Variants in EIF2A observed in about 807,000 individuals in gnomAD.
The protein encoded by EIF2A is 65 kDa eukaryotic translation initiation factor 2A.
A neutral mutation model predicts 75.2 loss-of-function variants in EIF2A; 62 were observed. That is an observed-to-expected ratio of 0.82 (90% CI 0.67 to 1.02). The LOEUF is 1.02. Ranked by LOEUF, EIF2A falls within the 50% of genes least tolerant of loss-of-function variation. EIF2A has a pLI of 0.00. For missense variants in EIF2A, 611 were observed against 677.7 expected, an observed-to-expected ratio of 0.90 and a Z score of 1.09; for synonymous variants, 207 against 239.0, an observed-to-expected ratio of 0.87 and a Z score of 1.23.
In EIF2A at chr3:150,584,553, C is replaced by G. The variant is rs576118905; in HGVS notation, c.*642C>G. Among the ~76,000 whole-genome samples, 4 of 152,308 alleles carry G rather than the reference C, an allele frequency of 2.6e-5. No individual in the cohort carries two copies. Among genetic ancestry groups the G allele is most frequent in the Admixed American group, 2.0e-4 (3 of 15,302 alleles). Reference sequence around the variant, plus strand: ...TGGATACTGCCAAATTGCCCTATCTCAAGCTTTATACTTGCACCATTTAAA... The same window carrying G: ...TGGATACTGCCAAATTGCCCTATCTGAAGCTTTATACTTGCACCATTTAAA... On this transcript the variant is annotated 3_prime_UTR_variant, in exon 14 of 14. Coordinates refer to ENST00000460851, the MANE Select transcript of EIF2A (RefSeq NM_032025.5).
intron 11 of EIF2A, among the ~76,000 whole-genome samples, chr3:150,579,955 T>A (rs1381935887): frequency 6.8e-6 from 1 of 147,940 alleles, no homozygotes; most frequent in Non-Finnish European, 1.5e-5. Flanking sequence ...CAATAAATAC[T>A]TACATAATTT....
Position 150,581,863 on chromosome 3 carries a change from ATTG to A in EIF2A, c.1626+123_1626+125del, listed in dbSNP as rs1725201436. 7 of 1,245,136 alleles carry A rather than the reference ATTG, an allele frequency of 5.6e-6. No homozygotes were observed. In the South Asian group the frequency reaches 9.3e-5, roughly 17 times the overall value. 77.1% of individuals were successfully genotyped at this position (1,245,136 alleles called of 1,614,324 possible). A position where few individuals can be genotyped will look rare whatever the true frequency, so the allele number is the denominator to read the frequency against. On this transcript the variant is annotated intron_variant, in intron 12 of 13. Coordinates refer to ENST00000460851, the MANE Select transcript of EIF2A (RefSeq NM_032025.5). ...TAAGAAGTTGGTATCAGCAGTTCTCATTGTTGTTTTCTCACTATGAAGCACTGT... is the reference window on the plus strand; with the variant it reads ...TAAGAAGTTGGTATCAGCAGTTCTCATTGTTTTCTCACTATGAAGCACTGT...
chr3:150,582,206 G>A (rs1379266176), intron 12 of EIF2A, among the ~76,000 whole-genome samples: 1 of 150,626 alleles, frequency 6.6e-6, no homozygotes, highest in African/African-American at 2.4e-5. Context: ...TCACCATGTT[G>A]GCCAGGCTGG....
intron 6 of EIF2A, chr3:150,566,389 T>C (rs772989726): frequency 3.9e-5 from 6 of 152,182 alleles, no homozygotes; most frequent in Non-Finnish European, 7.3e-5. Context: ...TTGATCTCAT[T>C]GAAGGAAACA....
intron 2 of EIF2A, among the ~76,000 whole-genome samples, chr3:150,555,200 A>G (rs1287528003): frequency 6.6e-6 from 1 of 152,128 alleles, no homozygotes; most frequent in Non-Finnish European, 1.5e-5. Flanking sequence ...AAGTGCTGGG[A>G]TTACAGGCCT....
In EIF2A at chr3:150,568,680, C is replaced by CT. The variant is rs1405915817; in HGVS notation, c.811+389dup. The stretch of plus-strand genomic sequence containing the variant: ...AGTAATTCCAACACATTTTGGGAGT[C>CT]TGAGATGGGAGGATCATTTGAACTC... On this transcript the variant is annotated intron_variant, in intron 9 of 13. Coordinates refer to ENST00000460851, the MANE Select transcript of EIF2A (RefSeq NM_032025.5). Among the ~76,000 whole-genome samples, 3 of 152,004 alleles carry CT rather than the reference C, an allele frequency of 2.0e-5. No homozygotes were observed. In the East Asian group the frequency reaches 5.8e-4, roughly 29 times the overall value.
At chr3:150,576,067 G>A (rs547651434) in intron 11 of EIF2A, among the ~76,000 whole-genome samples, 6 of 152,172 alleles carry the variant, frequency 3.9e-5, no homozygotes, top group Admixed American at 1.3e-4. Flanking sequence ...CAGCCTGTGC[G>A]ACAGAGAGAG....
At position 150,564,376 on chromosome 3, in the gene EIF2A, A is replaced by G. The variant is rs202127297; in HGVS notation, c.470A>G (p.Asn157Ser). 5 of 1,588,986 alleles carry G rather than the reference A, an allele frequency of 3.1e-6. No homozygotes were observed. The highest frequency in any genetic ancestry group is 4.3e-6 in the Non-Finnish European group (5 of 1,169,726). ...GAAGTTCACTTCTTTGAAAACAACAATTTTAGTATGGAAAGATTTATGACA... is the reference window on the plus strand; with the variant it reads ...GAAGTTCACTTCTTTGAAAACAACAGTTTTAGTATGGAAAGATTTATGACA... ...NNEVHFFENN[N>S]FNTIANKLHL... Residue 157 changes from asparagine to serine, a missense_variant, in exon 6 of 14, where the codon AAT (asparagine) becomes AGT (serine). Transcript: ENST00000460851.
intron 10 of EIF2A, among the ~76,000 whole-genome samples, chr3:150,573,937 T>A (rs1377420709): frequency 1.3e-5 from 2 of 152,082 alleles, no homozygotes; most frequent in Non-Finnish European, 2.9e-5. Flanking sequence ...TGGTCCGGTG[T>A]GGGGGTTTCG....
intron 6 of EIF2A, 38 bp downstream of exon 6, chr3:150,564,419 G>A: frequency 6.7e-7 from 1 of 1,499,370 alleles, no homozygotes. Context: ...ATTACTTACT[G>A]TAATCGTATA....
chr3:150,553,682 AT>A (rs1723429396), intron 2 of EIF2A, among the ~76,000 whole-genome samples: 1 of 152,184 alleles, frequency 6.6e-6, no homozygotes, highest in Non-Finnish European at 1.5e-5. Flanking sequence ...AAGTGCTGGG[AT>A]TACAGACGTG....
At chr3:150,557,647 C>G in intron 2 of EIF2A, 1 of 350,344 alleles carries the variant, frequency 2.9e-6, no homozygotes, top group South Asian at 2.0e-5. Context: ...GATCCGCCTG[C>G]CTCGGCCTCC....
intron 2 of EIF2A, chr3:150,557,482 C>G (rs1157148839): frequency 2.6e-5 from 5 of 194,614 alleles, no homozygotes; most frequent in Non-Finnish European, 5.5e-5. Flanking sequence ...TTCACTGCAA[C>G]CTCTGCCTCC....
chr3:150,563,870 T>G (rs1477202259), intron 5 of EIF2A, among the ~76,000 whole-genome samples: 1 of 152,140 alleles, frequency 6.6e-6, no homozygotes, highest in African/African-American at 2.4e-5. Context: ...CAGGCTGGAG[T>G]GCAATGGCCT....
At chr3:150,582,853 A>G (rs978982023) in intron 12 of EIF2A, among the ~76,000 whole-genome samples, 1 of 152,158 alleles carries the variant, frequency 6.6e-6, no homozygotes, top group South Asian at 2.1e-4. Flanking sequence ...TGGACCAACA[A>G]TCTTTCAGAA....
At chr3:150,576,885 T>G (rs1724902833) in intron 11 of EIF2A, among the ~76,000 whole-genome samples, 1 of 152,192 alleles carries the variant, frequency 6.6e-6, no homozygotes, top group African/African-American at 2.4e-5. Flanking sequence ...ATTGACAAAT[T>G]GTGATATTGT....
chr3:150,554,876 C>A (rs1723480426), intron 2 of EIF2A, among the ~76,000 whole-genome samples: 1 of 152,190 alleles, frequency 6.6e-6, no homozygotes, highest in Non-Finnish European at 1.5e-5. Context: ...CATCTCAGGC[C>A]CTACCCAACT....
intron 11 of EIF2A, among the ~76,000 whole-genome samples, chr3:150,578,570 A>C (rs1041260039): frequency 6.6e-6 from 1 of 151,910 alleles, no homozygotes; most frequent in Non-Finnish European, 1.5e-5. Context: ...AGTTTTTTTT[A>C]AAAGAGCCAA....
intron 11 of EIF2A, among the ~76,000 whole-genome samples, chr3:150,576,069 CAGAG>C (rs937025049): frequency 1.2e-4 from 19 of 152,102 alleles, no homozygotes; most frequent in African/African-American, 4.1e-4. Context: ...GCCTGTGCGA[CAGAG>C]AGAGACTCCA....
Sources: gnomAD v4.1 joint callset for allele counts (sites outside exome capture counted in the v4.1 genomes callset) on GRCh38, gnomAD v4.1.1 for gene constraint, MANE v1.5 for transcripts, NCBI Gene and HGNC (gene_info 2026-07-23, HGNC 2026-07-21) for gene names.